The following TINAG variants were observed in gnomAD, a reference collection of about 807,000 sequenced individuals.
The protein encoded by TINAG is tubulointerstitial nephritis antigen.
Under a neutral mutation model 72.7 loss-of-function variants are expected in TINAG, and 83 were observed. The observed-to-expected ratio is 1.14, with a 90% confidence interval of 0.96 to 1.37. The LOEUF (loss-of-function observed/expected upper bound fraction) is 1.37, where lower values mean the gene tolerates loss of function less well. Ranked by LOEUF, TINAG falls within the 40% of genes most tolerant of loss-of-function variation. The probability of loss-of-function intolerance (pLI) is 0.00; values close to 1 mark genes in which losing one functional copy is unlikely to be tolerated. For missense variants in TINAG, 685 were observed against 576.6 expected (o/e 1.19, Z -1.93); for synonymous variants, 234 against 189.9 (o/e 1.23, Z -1.91).
At position 54,308,885 on chromosome 6, in the gene TINAG, C is replaced by T; in HGVS notation, c.335C>T (p.Thr112Ile). The change falls in exon 1 of 11, where the codon ACA becomes ATA. Residue 112 changes from threonine to isoleucine, a missense_variant. Physicochemically the swap from Thr to Ile is moderately conservative, Grantham distance 89. Coordinates refer to ENST00000259782, the MANE Select transcript of TINAG (RefSeq NM_014464.4). ...GAAGAGAAAGAATGGCCTCCTCACA[C>T]ACAGCCTTGGTATCCAGAAGGTAGG... Reference protein sequence around the residue: ...CREEKEWPPHTQPWYPEGCFK... With the variant: ...CREEKEWPPHIQPWYPEGCFK... 1.2e-6 allele frequency: 2 copies of T among 1,611,548 alleles called. No homozygotes were observed. Among genetic ancestry groups the T allele is most frequent in the South Asian group, 2.2e-5 (2 of 90,834 alleles).
At chr6:54,344,109 A>C (rs1430300603) in intron 5 of TINAG, among the ~76,000 whole-genome samples, 1 of 152,172 alleles carries the variant, frequency 6.6e-6, no homozygotes, top group African/African-American at 2.4e-5. Context: ...TCTTCATAAA[A>C]CCATGCTCTA....
chr6:54,308,432 A>G (rs1001056724), upstream of TINAG: 4 of 774,624 alleles, frequency 5.2e-6, no homozygotes, highest in Non-Finnish European at 8.2e-6. Flanking sequence ...GTAAAGGATC[A>G]GTTTCAGGGT....
At chr6:54,356,838 C>G (rs978957422) in intron 9 of TINAG, among the ~76,000 whole-genome samples, 2 of 151,704 alleles carry the variant, frequency 1.3e-5, no homozygotes, top group African/African-American at 2.4e-5. Context: ...CAAGGACATG[C>G]AGAAGCAATT....
chr6:54,325,205 G>A (rs561225058), intron 3 of TINAG, among the ~76,000 whole-genome samples: 2 of 152,316 alleles, frequency 1.3e-5, no homozygotes, highest in South Asian at 4.1e-4. Context: ...TGAAGCTTTT[G>A]ATCATATTTT....
intron 4 of TINAG, among the ~76,000 whole-genome samples, chr6:54,329,694 T>G (rs1437650143): frequency 2.0e-5 from 3 of 151,486 alleles, no homozygotes; most frequent in Non-Finnish European, 4.4e-5. Context: ...GGATAAAGAG[T>G]CAAGACCCAT....
At chr6:54,371,675 G>A (rs944267490) in intron 9 of TINAG, among the ~76,000 whole-genome samples, 1 of 151,842 alleles carries the variant, frequency 6.6e-6, no homozygotes, top group African/African-American at 2.4e-5. Flanking sequence ...CAATTTCTTT[G>A]GTAAATGCGA....
upstream of TINAG, chr6:54,307,878 A>T: frequency 1.6e-6 from 1 of 621,482 alleles, no homozygotes; most frequent in East Asian, 2.7e-5. Flanking sequence ...TGTGCTAAGC[A>T]GGGACTCAGG....
intron 5 of TINAG, among the ~76,000 whole-genome samples, chr6:54,346,333 G>A (rs1298870686): frequency 6.6e-6 from 1 of 151,826 alleles, no homozygotes; most frequent in Non-Finnish European, 1.5e-5. Flanking sequence ...ATGTGTTGAG[G>A]AAAGGAATGA....
intron 4 of TINAG, among the ~76,000 whole-genome samples, chr6:54,329,798 A>AG (rs1409941673): frequency 6.6e-6 from 1 of 152,144 alleles, no homozygotes; most frequent in Admixed American, 6.5e-5. Flanking sequence ...GTAAATGGAA[A>AG]GAAAAAAAAG....
chr6:54,330,457 T>G (rs1049713251), intron 4 of TINAG, among the ~76,000 whole-genome samples: 1 of 152,060 alleles, frequency 6.6e-6, no homozygotes, highest in Admixed American at 6.6e-5. Context: ...GCTAAAACAG[T>G]GTTTAGAGGG....
At chr6:54,362,154 A>G (rs1277804713) in intron 9 of TINAG, among the ~76,000 whole-genome samples, 1 of 151,718 alleles carries the variant, frequency 6.6e-6, no homozygotes, top group Non-Finnish European at 1.5e-5. Flanking sequence ...TAAATAACAG[A>G]CTTTCAATGT....
chr6:54,348,127 G>A (rs1785169739), intron 6 of TINAG, among the ~76,000 whole-genome samples: 1 of 152,084 alleles, frequency 6.6e-6, no homozygotes, highest in Non-Finnish European at 1.5e-5. Flanking sequence ...CTGATAAAGA[G>A]TGTTATATAT....
intron 1 of TINAG, among the ~76,000 whole-genome samples, chr6:54,317,265 AT>A (rs1241879902): frequency 1.3e-5 from 2 of 151,502 alleles, no homozygotes; most frequent in South Asian, 4.2e-4. Flanking sequence ...CTCAAGCATC[AT>A]TTTTTTCTTT....
intron 9 of TINAG, among the ~76,000 whole-genome samples, chr6:54,361,421 A>T (rs1187196822): frequency 6.6e-6 from 1 of 151,738 alleles, no homozygotes; most frequent in East Asian, 1.9e-4. Context: ...GGCAAAGGAG[A>T]AGCCATATCT....
At chr6:54,334,604 G>C (rs556874132) in intron 4 of TINAG, among the ~76,000 whole-genome samples, 2 of 152,172 alleles carry the variant, frequency 1.3e-5, no homozygotes, top group African/African-American at 4.8e-5. Flanking sequence ...GCAAATTGAG[G>C]TTGAGAAGTT....
At chr6:54,367,255 T>G (rs1354311530) in intron 9 of TINAG, 1 of 151,752 alleles carries the variant, frequency 6.6e-6, no homozygotes, top group Admixed American at 6.6e-5. Context: ...CATTCTACTT[T>G]GAGATAAATC....
intron 3 of TINAG, among the ~76,000 whole-genome samples, chr6:54,326,220 AT>A (rs1784598788): frequency 6.6e-6 from 1 of 151,904 alleles, no homozygotes; most frequent in South Asian, 2.1e-4. Flanking sequence ...ATTTTTTATT[AT>A]TATTAATAAC....
intron 9 of TINAG, among the ~76,000 whole-genome samples, chr6:54,363,533 T>C (rs9464062): frequency 0.018 from 2,773 of 150,128 alleles, 85 homozygotes; most frequent in African/African-American, 0.064. Flanking sequence ...CAGGGAACGG[T>C]GTCATACAAT....
chr6:54,381,875 A>G (rs1475671416), intron 10 of TINAG, among the ~76,000 whole-genome samples: 3 of 152,088 alleles, frequency 2.0e-5, no homozygotes, highest in Non-Finnish European at 4.4e-5. Context: ...TTCTTAGCAT[A>G]TAGCACTTGA....
Sources: gnomAD v4.1 joint callset for allele counts (sites outside exome capture counted in the v4.1 genomes callset) on GRCh38, gnomAD v4.1.1 for gene constraint, MANE v1.5 for transcripts, NCBI Gene and HGNC (gene_info 2026-07-23, HGNC 2026-07-21) for gene names.